The following VSIG10 variants were observed in gnomAD, a reference collection of about 807,000 sequenced individuals.
VSIG10 encodes V-set and immunoglobulin domain-containing protein 10.
In VSIG10, 48 loss-of-function variants were observed where a neutral mutation model predicts 58.7. The observed-to-expected ratio is 0.82, with a 90% confidence interval of 0.65 to 1.04. The LOEUF is 1.04. Ranked by LOEUF, VSIG10 falls within the 50% of genes least tolerant of loss-of-function variation. The probability of loss-of-function intolerance (pLI) is 0.00; values close to 1 mark genes in which losing one functional copy is unlikely to be tolerated. For synonymous variants in VSIG10, 260 were observed against 267.1 expected (o/e 0.97, Z 0.26); for missense variants, 628 against 670.0 (o/e 0.94, Z 0.69).
At chr12:118,066,730 C>G in intron 8 of VSIG10, 36 bp from the exon 9 acceptor site, 1 of 1,553,234 alleles carries the variant, frequency 6.4e-7, no homozygotes, top group Non-Finnish European at 8.7e-7. Flanking sequence ...GCTTTGTAAT[C>G]AGAGTGTGAT....
At position 118,073,989 on chromosome 12, in the gene VSIG10, C is replaced by A. The variant is rs1289868053; in HGVS notation, c.929G>T (p.Gly310Val). 4 of 1,546,000 alleles carry A rather than the reference C, an allele frequency of 2.6e-6. No homozygotes were observed. The highest frequency in any genetic ancestry group is 2.6e-6 in the Non-Finnish European group (3 of 1,145,316). ...CATGGGCTCAGAGAGAAGGGAGGGA[C>A]CCCCTGGTGATCAGAAGGTAAACAA... is the stretch of plus-strand genomic sequence containing the variant. ...SGASCMVQIR[G>V]PSLLSEPMKT... The change falls in exon 5 of 9, where the codon GGT (glycine) becomes GTT (valine). Residue 310 changes from glycine to valine, a missense_variant. Transcript: ENST00000359236.
At chr12:118,069,241 C>T (rs1318315452) in intron 7 of VSIG10, among the ~76,000 whole-genome samples, 1 of 151,990 alleles carries the variant, frequency 6.6e-6, no homozygotes, top group Non-Finnish European at 1.5e-5. Context: ...AGGCATGCGC[C>T]ACCACATCTG....
chr12:118,090,714 G>A (rs1304008940), intron 2 of VSIG10, among the ~76,000 whole-genome samples: 1 of 152,122 alleles, frequency 6.6e-6, no homozygotes, highest in East Asian at 1.9e-4. Flanking sequence ...GTGCAGTGGT[G>A]TGATCATGAC....
chr12:118,085,735 G>A (rs1592876506), intron 2 of VSIG10, among the ~76,000 whole-genome samples: 1 of 151,230 alleles, frequency 6.6e-6, no homozygotes, highest in Non-Finnish European at 1.5e-5. Flanking sequence ...GGTGATGCAC[G>A]CCTGTAGTCC....
intron 2 of VSIG10, among the ~76,000 whole-genome samples, chr12:118,084,744 T>C (rs1371053055): frequency 6.6e-6 from 1 of 152,106 alleles, no homozygotes; most frequent in South Asian, 2.1e-4. Flanking sequence ...CTGGGCGTGG[T>C]AGAGCATGCC....
chr12:118,088,963 T>A (rs1469905418), intron 2 of VSIG10, among the ~76,000 whole-genome samples: 1 of 151,372 alleles, frequency 6.6e-6, no homozygotes, highest in African/African-American at 2.4e-5. Context: ...TTTTTTTTTT[T>A]ATGAGACAGA....
At position 118,082,326 on chromosome 12, in the gene VSIG10, G is replaced by A; in HGVS notation, c.465C>T (p.Ser155=). The A allele has an allele frequency of 1.2e-6, 2 of 1,614,022 alleles. No individual in the cohort carries two copies. Among genetic ancestry groups the A allele is most frequent in the Non-Finnish European group, 1.7e-6 (2 of 1,179,916 alleles). Residue 155 remains serine (S), a synonymous_variant, in exon 3 of 9, where the codon AGC becomes AGT. Coordinates refer to ENST00000359236, the MANE Select transcript of VSIG10 (RefSeq NM_019086.6). ...CAACCACGGGTGGTGGCCTGGAGCT[G>A]CTGTTGCAGCTGAAGTCCACCTGGG... ...RGSQVDFSCN[S]SSRPPPVVEW...
chr12:118,093,566 A>G (rs556166775), intron 2 of VSIG10, among the ~76,000 whole-genome samples: 1 of 152,122 alleles, frequency 6.6e-6, no homozygotes, highest in African/African-American at 2.4e-5. Flanking sequence ...AGGAAAGTGC[A>G]ATAGGAAAGG....
At chr12:118,084,706 C>G (rs924772193) in intron 2 of VSIG10, among the ~76,000 whole-genome samples, 2 of 152,106 alleles carry the variant, frequency 1.3e-5, no homozygotes, top group African/African-American at 4.8e-5. Flanking sequence ...TGGTGAAACC[C>G]CATCTCTACT....
At position 118,084,911 on chromosome 12, in the gene VSIG10, C is replaced by T. The variant is rs565226143; in HGVS notation, c.362-2482G>A. Among the ~76,000 whole-genome samples the T allele has an allele frequency of 3.0e-3, 455 of 152,272 alleles. 1 individual carries two copies. The highest frequency in any genetic ancestry group is 0.01 in the African/African-American group (432 of 41,556). ...GCGGGCGCCTGTAGTCCCAGCTACT[C>T]TGGAGGCTGAGGCAGGAGAATGGTG... On this transcript the variant is annotated intron_variant, in intron 2 of 8. Coordinates refer to ENST00000359236, the MANE Select transcript of VSIG10 (RefSeq NM_019086.6).
At chr12:118,096,916 GT>G (rs1256895462) in intron 1 of VSIG10, among the ~76,000 whole-genome samples, 1 of 152,032 alleles carries the variant, frequency 6.6e-6, no homozygotes, top group Non-Finnish European at 1.5e-5. Flanking sequence ...GCACACGCCT[GT>G]AATCCCAGCT....
At chr12:118,098,879 T>G (rs2137958385) in intron 1 of VSIG10, among the ~76,000 whole-genome samples, 1 of 148,272 alleles carries the variant, frequency 6.7e-6, no homozygotes, top group East Asian at 2.1e-4. Context: ...TATTTATTTT[T>G]AACAAATCAG....
Position 118,073,959 on chromosome 12 carries a change from G to A in VSIG10, c.959C>T (p.Thr320Ile), listed in dbSNP as rs756461635. ...CGTCACATTGCCCCCAGTGAAGCAA[G>A]TCTTCATGGGCTCAGAGAGAAGGGA... is the stretch of plus-strand genomic sequence containing the variant. ...GPSLLSEPMKTCFTGGNVTLT... is the reference protein window; with the variant it reads ...GPSLLSEPMKICFTGGNVTLT... The change falls in exon 5 of 9, where the codon ACT becomes ATT. Residue 320 changes from threonine (T) to isoleucine (I), a missense_variant. By Grantham distance (89) the Thr-to-Ile change is moderately conservative (BLOSUM62 -1). Coordinates refer to ENST00000359236, the MANE Select transcript of VSIG10 (RefSeq NM_019086.6). 1.3e-6 allele frequency: 2 copies of A among 1,596,268 alleles called. No individual in the cohort carries two copies. Among genetic ancestry groups the A allele is most frequent in the African/African-American group, 2.7e-5 (2 of 74,646 alleles).
intron 2 of VSIG10, among the ~76,000 whole-genome samples, chr12:118,086,204 T>C (rs2033122155): frequency 3.3e-5 from 5 of 151,342 alleles, no homozygotes; most frequent in Admixed American, 3.3e-4. Context: ...GGCTCACCTC[T>C]GTAATCCCAG....
At chr12:118,068,765 C>CA (rs986868939) in intron 7 of VSIG10, among the ~76,000 whole-genome samples, 168 bp from the exon 8 acceptor site, 2 of 152,202 alleles carry the variant, frequency 1.3e-5, no homozygotes, top group Non-Finnish European at 2.9e-5. Flanking sequence ...GATGCTGCCA[C>CA]AAATTGCTTC....
chr12:118,094,941 G>T (rs1324834579), intron 2 of VSIG10, among the ~76,000 whole-genome samples: 1 of 126,314 alleles, frequency 7.9e-6, no homozygotes, highest in Non-Finnish European at 1.6e-5. Flanking sequence ...GTCTCACTCT[G>T]TTGCCAGGAT....
intron 2 of VSIG10, among the ~76,000 whole-genome samples, chr12:118,088,240 G>GA (rs61475209): frequency 0.018 from 1,717 of 92,960 alleles, 41 homozygotes; most frequent in African/African-American, 0.055. Flanking sequence ...CTGTGTCTCA[G>GA]AAAAAAAAAA....
chr12:118,076,285 T>A (rs890817381), intron 4 of VSIG10, among the ~76,000 whole-genome samples: 1 of 152,056 alleles, frequency 6.6e-6, no homozygotes, highest in East Asian at 1.9e-4. Context: ...AGCTGCGGGC[T>A]AAATTCGGCC....
chr12:118,095,490 T>G (rs770850142), intron 2 of VSIG10, 43 bp downstream of exon 2: 2 of 1,606,966 alleles, frequency 1.2e-6, no homozygotes, highest in Non-Finnish European at 1.7e-6. Flanking sequence ...TTTCCAAGGC[T>G]CCGAGCACCT....
Sources: allele counts gnomAD v4.1 joint callset (sites outside exome capture counted in the v4.1 genomes callset), GRCh38; gene constraint gnomAD v4.1.1; transcripts MANE v1.5; gene names NCBI Gene and HGNC (gene_info 2026-07-23, HGNC 2026-07-21).